PTPRN2: variants seen among roughly 807,000 people sequenced by gnomAD.
PTPRN2 encodes the protein receptor-type tyrosine-protein phosphatase N2.
Under a neutral mutation model 118.8 loss-of-function variants are expected in PTPRN2, and 74 were observed. The observed-to-expected ratio is 0.62, with a 90% CI of 0.52 to 0.76. The LOEUF (loss-of-function observed/expected upper bound fraction) is 0.76. Ranked by LOEUF, PTPRN2 falls within the 30% of genes least tolerant of loss-of-function variation. The pLI is 0.00. For missense variants in PTPRN2, 1,481 were observed against 1,394.4 expected (o/e 1.06, Z -0.99); for synonymous variants, 641 against 608.0 (o/e 1.05, Z -0.80).
intron 12 of PTPRN2, among the ~76,000 whole-genome samples, chr7:157,715,879 A>T (rs1340036694): frequency 2.0e-5 from 3 of 152,310 alleles, no homozygotes; most frequent in African/African-American, 7.2e-5. Context: ...GGCAGGCTGC[A>T]TGCTCCGGGG....
chr7:157,891,058 C>T (rs78531851), intron 12 of PTPRN2, among the ~76,000 whole-genome samples: 7 of 152,332 alleles, frequency 4.6e-5, no homozygotes, highest in Non-Finnish European at 7.4e-5. Flanking sequence ...CCCTCTGTCC[C>T]GTCCTCTCCT....
intron 11 of PTPRN2, among the ~76,000 whole-genome samples, chr7:157,937,974 T>C (rs986283176): frequency 6.6e-6 from 1 of 152,176 alleles, no homozygotes; most frequent in African/African-American, 2.4e-5. Flanking sequence ...AATGTCAAGC[T>C]GGAAATTAGA....
At chr7:158,238,865 G>T (rs113622837) in intron 3 of PTPRN2, among the ~76,000 whole-genome samples, 1 of 152,154 alleles carries the variant, frequency 6.6e-6, no homozygotes, top group Non-Finnish European at 1.5e-5. Flanking sequence ...ACCCTGACAC[G>T]GTGGCTACAA....
rs1251008533 is a variant in PTPRN2 at position 158,557,355 on chromosome 7, C to CCGCG, written c.112+30202_112+30203insCGCG. On this transcript the variant is annotated intron_variant, in intron 1 of 22. Transcript: ENST00000389418. The stretch of plus-strand genomic sequence containing the variant: ...GGCTCCCGCGCAGGTCAGACGGCTC[C>CCGCG]CACGCAGGTCAGGCGGCTCCCACGC... Among the ~76,000 whole-genome samples the CCGCG allele has an allele frequency of 1.0e-3, 156 of 151,764 alleles. 1 individual carries two copies. The East Asian group carries it at 0.021, about 20-fold the overall frequency.
chr7:157,910,199 G>A lies in PTPRN2; in HGVS notation c.1724-11462C>T, dbSNP rs752206274. On this transcript the variant is annotated intron_variant, in intron 11 of 22. Transcript: ENST00000389418. ...TCACGCATGTACGCCGTGGGAATGCGTGCAGGATCACGCACGTACACCGTG... is the reference window on the plus strand; with the variant it reads ...TCACGCATGTACGCCGTGGGAATGCATGCAGGATCACGCACGTACACCGTG... 7.2e-5 allele frequency among the ~76,000 whole-genome samples: 11 copies of A among 152,254 alleles called. No homozygotes were observed. The Middle Eastern group carries it at 0.01, about 141-fold the overall frequency.
At chr7:158,077,514 A>G (rs1812461203) in intron 11 of PTPRN2, among the ~76,000 whole-genome samples, 1 of 137,780 alleles carries the variant, frequency 7.3e-6, no homozygotes, top group African/African-American at 3.0e-5. Flanking sequence ...GCCCCCCATG[A>G]GCCTCACCCC....
intron 2 of PTPRN2, among the ~76,000 whole-genome samples, chr7:158,435,918 G>T (rs188200657): frequency 1.3e-3 from 194 of 152,266 alleles, no homozygotes; most frequent in African/African-American, 4.5e-3. Flanking sequence ...CAGGGGCTGG[G>T]TCGGGGCAGG....
intron 11 of PTPRN2, among the ~76,000 whole-genome samples, chr7:157,902,946 G>C (rs1033712398): frequency 2.0e-5 from 3 of 152,176 alleles, no homozygotes; most frequent in Non-Finnish European, 4.4e-5. Flanking sequence ...AGGTTCTTCA[G>C]GGTCTATGAC....
At chr7:158,072,390 T>C (rs963252772) in intron 11 of PTPRN2, among the ~76,000 whole-genome samples, 28 of 152,218 alleles carry the variant, frequency 1.8e-4, no homozygotes, top group African/African-American at 6.5e-4. Context: ...GCTTTGGCAT[T>C]CCCGTGCTGG....
chr7:158,539,350 A>G (rs1383915104), intron 1 of PTPRN2: 1 of 152,246 alleles, frequency 6.6e-6, no homozygotes, highest in African/African-American at 2.4e-5. Context: ...AAAACTGTCC[A>G]CTTGCCTTTT....
chr7:157,633,744 G>A (rs1233696054), intron 14 of PTPRN2, among the ~76,000 whole-genome samples: 2 of 152,192 alleles, frequency 1.3e-5, no homozygotes, highest in African/African-American at 4.8e-5. Flanking sequence ...TGGCCACTCC[G>A]GGAGGAGGGA....
intron 11 of PTPRN2, among the ~76,000 whole-genome samples, chr7:157,971,299 C>T (rs184450220): frequency 5.9e-5 from 9 of 152,186 alleles, no homozygotes; most frequent in East Asian, 5.8e-4. Context: ...ATCACGAATC[C>T]GTATTTGAAG....
At chr7:158,586,606 G>A (rs1364132007) in intron 1 of PTPRN2, among the ~76,000 whole-genome samples, 1 of 152,268 alleles carries the variant, frequency 6.6e-6, no homozygotes, top group East Asian at 1.9e-4. Flanking sequence ...AGGTGCCGGG[G>A]ACTGGAGGTT....
intron 12 of PTPRN2, among the ~76,000 whole-genome samples, chr7:157,701,024 G>A (rs756834332): frequency 6.6e-6 from 1 of 152,206 alleles, no homozygotes; most frequent in African/African-American, 2.4e-5. Context: ...GGAGACAGGC[G>A]AGTACTTTCT....
At chr7:157,830,258 A>G (rs969172059) in intron 12 of PTPRN2, among the ~76,000 whole-genome samples, 1 of 152,118 alleles carries the variant, frequency 6.6e-6, no homozygotes, top group Non-Finnish European at 1.5e-5. Context: ...CATCCAGCCC[A>G]CCCTTCTTCC....
chr7:158,338,598 A>C (rs372879412), intron 2 of PTPRN2, among the ~76,000 whole-genome samples: 1 of 103,998 alleles, frequency 9.6e-6, no homozygotes, highest in Non-Finnish European at 1.9e-5. Context: ...TCACCATAAG[A>C]GCTGAGGCCC....
chr7:157,721,375 G>A (rs1484435696), intron 12 of PTPRN2, among the ~76,000 whole-genome samples: 1 of 152,224 alleles, frequency 6.6e-6, no homozygotes, highest in African/African-American at 2.4e-5. Flanking sequence ...GAGCAATGTT[G>A]TAATGAACAG....
intron 3 of PTPRN2, among the ~76,000 whole-genome samples, chr7:158,239,435 C>T (rs765431531): frequency 3.3e-5 from 5 of 152,310 alleles, no homozygotes; most frequent in Middle Eastern, 3.4e-3. Flanking sequence ...CTCCGTAGCG[C>T]GGCCCCCACC....
In PTPRN2 at chr7:158,079,767, T is replaced by A. The variant is rs115149232; in HGVS notation, c.1723+1531A>T. Among the ~76,000 whole-genome samples, 718 of 152,314 alleles carry A rather than the reference T, an allele frequency of 4.7e-3. 7 individuals carry two copies. Among genetic ancestry groups the A allele is most frequent in the African/African-American group, 0.017 (703 of 41,560 alleles). On this transcript the variant is annotated intron_variant, in intron 11 of 22. Transcript: ENST00000389418. ...TGGCAGCCACGAGGCACTGAAGCCG[T>A]TGTTGGGACCCCCCATTCCTCTTGC...
Sources: gnomAD v4.1 joint callset for allele counts (sites outside exome capture counted in the v4.1 genomes callset) on GRCh38, gnomAD v4.1.1 for gene constraint, MANE v1.5 for transcripts, NCBI Gene and HGNC (gene_info 2026-07-23, HGNC 2026-07-21) for gene names.